RSAD1: variants seen among roughly 807,000 people sequenced by gnomAD.
RSAD1 encodes the protein radical S-adenosyl methionine domain containing 1.
Under a neutral mutation model 46.2 loss-of-function variants are expected in RSAD1, and 34 were observed. The ratio of observed to expected loss-of-function variants is 0.74; its 90% CI spans 0.56 to 0.98. The LOEUF is 0.98. Among genes scored for constraint, RSAD1 ranks in the 50% least tolerant of loss-of-function variants. RSAD1 has a pLI of 0.00. For missense variants in RSAD1, 635 were observed against 592.3 expected (o/e 1.07, Z -0.75); for synonymous variants, 260 against 253.5 (o/e 1.03, Z -0.24).
intron 1 of RSAD1, 137 bp from the exon 2 acceptor site, chr17:50,479,492 G>T: frequency 9.4e-7 from 1 of 1,064,702 alleles, no homozygotes; most frequent in Non-Finnish European, 1.3e-6. Flanking sequence ...GCCTTGGGGA[G>T]TTGTGTGGCT....
intron 7 of RSAD1, 164 bp from the exon 8 acceptor site, chr17:50,484,278 G>A: frequency 3.3e-6 from 2 of 608,468 alleles, no homozygotes; most frequent in East Asian, 2.8e-5. Flanking sequence ...GAGTGAAGCT[G>A]CCCTCCTCCC....
chr17:50,484,519 G>T lies in RSAD1; in HGVS notation c.1185G>T (p.Glu395Asp), dbSNP rs1258762298. ...ACAAGGAGGTGCAGGAGCTGCTGGA[G>T]CGGGGCCTACTGCAGCTGGATCACA... ...GANKEVQELLERGLLQLDHRG... is the reference protein window; with the variant it reads ...GANKEVQELLDRGLLQLDHRG... Residue 395 changes from glutamate to aspartate, a missense_variant, in exon 8 of 9, where the codon GAG becomes GAT. Coordinates refer to ENST00000258955, the MANE Select transcript of RSAD1 (RefSeq NM_018346.3). 1.2e-6 allele frequency: 2 copies of T among 1,613,598 alleles called. No homozygotes were observed. Among genetic ancestry groups the T allele is most frequent in the Non-Finnish European group, 1.7e-6 (2 of 1,180,024 alleles).
chr17:50,479,818 G>A (rs2033359251), intron 2 of RSAD1, 56 bp downstream of exon 2: 3 of 1,589,460 alleles, frequency 1.9e-6, no homozygotes, highest in Admixed American at 3.4e-5. Flanking sequence ...GAGTGGTGGG[G>A]GATAGGTGCA....
intron 1 of RSAD1, 137 bp downstream of exon 1, chr17:50,479,156 G>A (rs1052034607): frequency 1.0e-6 from 1 of 967,540 alleles, no homozygotes; most frequent in African/African-American, 1.7e-5. Flanking sequence ...ACGAGGTCTG[G>A]GATGGGACCC....
Position 50,478,912 on chromosome 17 carries a change from G to T in RSAD1, c.28G>T (p.Gly10Cys). Residue 10 changes from glycine (G) to cysteine (C), a missense_variant, in exon 1 of 9, where the codon GGC (glycine) becomes TGC (cysteine). By Grantham distance (159) the Gly-to-Cys change is radical (BLOSUM62 -3). Transcript: ENST00000258955. Reference protein sequence around the residue: MALPGARARGWAAAARAAQR... With the variant: MALPGARARCWAAAARAAQR... The stretch of plus-strand genomic sequence containing the variant: ...GGCGCTCCCCGGAGCCCGGGCTCGC[G>T]GCTGGGCGGCAGCAGCCAGAGCGGC... 1 of 1,327,244 alleles carries T rather than the reference G, an allele frequency of 7.5e-7. No homozygotes were observed. The highest frequency in any genetic ancestry group is 9.6e-7 in the Non-Finnish European group (1 of 1,046,148). The allele number at this position is 1,327,244 out of a possible 1,614,324, so 82.2% of individuals were successfully genotyped here.
chr17:50,482,720 A>G lies in RSAD1; in HGVS notation c.904+14A>G. ...GCGTTGGGCCTGGTGAGTCCCGTGA[A>G]CTACAGAAAGGGTGACTCAGGAGAG... On this transcript the variant is annotated intron_variant, in intron 5 of 8. Coordinates refer to ENST00000258955, the MANE Select transcript of RSAD1 (RefSeq NM_018346.3). 1 of 1,612,236 alleles carries G rather than the reference A, an allele frequency of 6.2e-7. No homozygotes were observed. The highest frequency in any genetic ancestry group is 8.5e-7 in the Non-Finnish European group (1 of 1,178,778).
chr17:50,479,786 G>A (rs1470993120), intron 2 of RSAD1, 24 bp downstream of exon 2: 1 of 1,594,310 alleles, frequency 6.3e-7, no homozygotes, highest in South Asian at 1.1e-5. Flanking sequence ...GCTGTAGGCA[G>A]CGTTTTGGGA....
At chr17:50,484,201 G>T in intron 7 of RSAD1, 1 of 529,886 alleles carries the variant, frequency 1.9e-6, no homozygotes, top group Non-Finnish European at 3.4e-6. Context: ...GAGAGGGGAG[G>T]GAAGAGAGGA....
At chr17:50,484,143 A>G in intron 7 of RSAD1, 1 of 453,726 alleles carries the variant, frequency 2.2e-6, no homozygotes, top group Non-Finnish European at 3.9e-6. Context: ...GCAAATCCAG[A>G]GCTGCTCTGG....
Position 50,479,970 on chromosome 17 carries a change from C to G in RSAD1, c.360C>G (p.Ala120=), listed in dbSNP as rs769061781. 2 of 1,614,160 alleles carry G rather than the reference C, an allele frequency of 1.2e-6. No homozygotes were observed. The highest frequency in any genetic ancestry group is 3.3e-5 in the Admixed American group (2 of 60,022). The change falls in exon 3 of 9, where the codon GCC becomes GCG. Residue 120 remains alanine, a synonymous_variant. Transcript: ENST00000258955. ...AAVLEAVAQA[A]HLPADLEVTL... The stretch of plus-strand genomic sequence containing the variant: ...TCCTGGAGGCTGTGGCACAGGCAGC[C>G]CACCTGCCTGCAGACTTGGAAGTCA...
chr17:50,479,228 G>T (rs1378594354), intron 1 of RSAD1: 2 of 528,398 alleles, frequency 3.8e-6, no homozygotes, highest in African/African-American at 2.0e-5. Flanking sequence ...TCACCGGCTC[G>T]GTGACTCTGA....
intron 1 of RSAD1, 83 bp from the exon 2 acceptor site, chr17:50,479,546 G>A (rs1356183587): frequency 6.4e-7 from 1 of 1,567,714 alleles, no homozygotes; most frequent in Non-Finnish European, 8.7e-7. Flanking sequence ...ATAGGGGTGG[G>A]GGTGGGGTTG....
chr17:50,484,963 T>A lies in RSAD1; in HGVS notation c.*102T>A, dbSNP rs116530870. 10,124 of 897,088 alleles carry A rather than the reference T, an allele frequency of 0.011. 615 individuals carry two copies. In the African/African-American group the frequency reaches 0.14, roughly 12 times the overall value. 55.6% of individuals were successfully genotyped at this position (897,088 alleles called of 1,614,324 possible). On this transcript the variant is annotated 3_prime_UTR_variant, in exon 9 of 9. Coordinates refer to ENST00000258955, the MANE Select transcript of RSAD1 (RefSeq NM_018346.3). ...CGTTGTCGGGTGCCGTCTCTGCTCCTTGTGGTTATTGCTCAGCCCTGGCAT... is the reference window on the plus strand; with the variant it reads ...CGTTGTCGGGTGCCGTCTCTGCTCCATGTGGTTATTGCTCAGCCCTGGCAT...
At chr17:50,483,595 C>T in intron 6 of RSAD1, 108 bp downstream of exon 6, 1 of 1,590,966 alleles carries the variant, frequency 6.3e-7, no homozygotes, top group South Asian at 1.1e-5. Flanking sequence ...TGCCTTGCCA[C>T]ATACTGTATG....
chr17:50,480,127 C>G (rs1315613638), intron 3 of RSAD1, 43 bp downstream of exon 3: 1 of 1,582,394 alleles, frequency 6.3e-7, no homozygotes, highest in East Asian at 2.2e-5. Context: ...CCCCGCCCTT[C>G]AGTGCCATCT....
At chr17:50,479,240 C>A in intron 1 of RSAD1, 2 of 506,352 alleles carry the variant, frequency 3.9e-6, no homozygotes, top group Non-Finnish European at 6.5e-6. Context: ...TGACTCTGAC[C>A]AAATGGTTCA....
rs763516398 is a variant in RSAD1 at position 50,482,167 on chromosome 17, C to T, written c.551C>T (p.Ala184Val). The change falls in exon 4 of 9, where the codon GCC becomes GTC. Residue 184 changes from alanine (A) to valine (V), a missense_variant. Ala to Val is a moderately conservative substitution (Grantham distance 64). Coordinates refer to ENST00000258955, the MANE Select transcript of RSAD1 (RefSeq NM_018346.3). ...GATGCTCTGCGGACGCTGGCAGAGG[C>T]CCGGCGCCTCTTTCCCGGGCGCGTG... ...ACDALRTLAE[A>V]RRLFPGRVSV... The T allele has an allele frequency of 4.4e-6, 7 of 1,584,664 alleles. No homozygotes were observed. In the Admixed American group the frequency reaches 7.1e-5, roughly 16 times the overall value.
chr17:50,480,300 T>C (rs939687639), intron 3 of RSAD1: 5 of 580,862 alleles, frequency 8.6e-6, no homozygotes, highest in Non-Finnish European at 1.5e-5. Context: ...GGCTTTTCTA[T>C]TTCAAACACT....
chr17:50,478,868 G>GCGCTA lies in RSAD1; in HGVS notation c.-13_-12insACGCT. On this transcript the variant is annotated 5_prime_UTR_variant, in exon 1 of 9. Coordinates refer to ENST00000258955, the MANE Select transcript of RSAD1 (RefSeq NM_018346.3). Reference sequence around the variant, plus strand: ...CGTCTCCTGCTCGGGTCAGTGCGCCGCGCTGCGCTGGGCGCCATGGCGCTC... The same window carrying GCGCTA: ...CGTCTCCTGCTCGGGTCAGTGCGCCGCGCTACGCTGCGCTGGGCGCCATGGCGCTC... 1 of 1,218,088 alleles carries GCGCTA rather than the reference G, an allele frequency of 8.2e-7. No homozygotes were observed. The highest frequency in any genetic ancestry group is 1.0e-6 in the Non-Finnish European group (1 of 992,376). The allele number at this position is 1,218,088 out of a possible 1,614,324, so 75.5% of individuals were successfully genotyped here.
Sources: allele counts gnomAD v4.1 joint callset, GRCh38; gene constraint gnomAD v4.1.1; transcripts MANE v1.5; gene names NCBI Gene and HGNC (gene_info 2026-07-23, HGNC 2026-07-21).